The following DOCK9 variants were observed in gnomAD, a reference collection of about 807,000 sequenced individuals.
DOCK9 encodes the protein dedicator of cytokinesis 9, also known as dedicator of cytokinesis protein 9.
A neutral mutation model predicts 263.3 loss-of-function variants in DOCK9; 89 were observed. The observed-to-expected ratio is 0.34, with a 90% CI of 0.28 to 0.40. The LOEUF is 0.40. DOCK9 is among the 10% of genes least tolerant of loss of function. The pLI is 1.00. For missense variants in DOCK9, 2,140 were observed against 2,603.4 expected (o/e 0.82, Z 3.87); for synonymous variants, 976 against 973.1 (o/e 1.00, Z -0.06).
intron 27 of DOCK9, among the ~76,000 whole-genome samples, chr13:98,874,196 TTTTC>T (rs2094265633): frequency 6.6e-6 from 1 of 152,192 alleles, no homozygotes; most frequent in African/African-American, 2.4e-5. Context: ...GCTCTGTAGT[TTTTC>T]TTTTTCTATA....
Position 98,863,449 on chromosome 13 carries a change from C to T in DOCK9, c.3386G>A (p.Arg1129Gln), listed in dbSNP as rs765965731. Residue 1129 changes from arginine (R) to glutamine (Q), a missense_variant, in exon 31 of 53, where the codon CGG becomes CAG. Physicochemically the swap from Arg to Gln is conservative, Grantham distance 43. This residue lies in a region of DOCK9 where 1,521 missense variants were observed against 1,741.7 expected (regional missense o/e 0.87). Coordinates refer to ENST00000682017, the MANE Select transcript of DOCK9 (RefSeq NM_001366683.2). ...REVGTALQEF[R>Q]EVRLIAISVL... ...ACTGATGGCGATCAGACGGACCTCCCGGAACTCCTGGAGGGCTGTCCCCAC... is the reference window on the plus strand; with the variant it reads ...ACTGATGGCGATCAGACGGACCTCCTGGAACTCCTGGAGGGCTGTCCCCAC... The T allele has an allele frequency of 3.2e-5, 51 of 1,613,814 alleles. No individual in the cohort carries two copies. The highest frequency in any genetic ancestry group is 4.0e-5 in the Non-Finnish European group (47 of 1,179,888).
chr13:99,029,099 C>G (rs1273985440), intron 1 of DOCK9, among the ~76,000 whole-genome samples: 1 of 152,300 alleles, frequency 6.6e-6, no homozygotes, highest in East Asian at 1.9e-4. Context: ...AGTGTCATCC[C>G]CAGCAACACT....
intron 52 of DOCK9, 76 bp downstream of exon 52, chr13:98,797,039 G>T: frequency 6.7e-7 from 1 of 1,484,882 alleles, no homozygotes. Context: ...GATATCAGGC[G>T]GCCTAAGTCA....
chr13:98,907,230 G>C (rs376359321), intron 9 of DOCK9, among the ~76,000 whole-genome samples: 1 of 152,154 alleles, frequency 6.6e-6, no homozygotes, highest in African/African-American at 2.4e-5. Flanking sequence ...AGTACTAGGT[G>C]CTGCAAGCCA....
intron 36 of DOCK9, among the ~76,000 whole-genome samples, 159 bp from the exon 37 acceptor site, chr13:98,848,798 G>T (rs2141441767): frequency 1.3e-5 from 2 of 152,246 alleles, no homozygotes; most frequent in South Asian, 4.2e-4. Context: ...GAGTCCTCTG[G>T]AAAGTGCCTT....
intron 1 of DOCK9, among the ~76,000 whole-genome samples, chr13:99,042,899 C>T (rs778725143): frequency 6.6e-6 from 1 of 152,034 alleles, no homozygotes; most frequent in Non-Finnish European, 1.5e-5. Flanking sequence ...TGCCATGTAG[C>T]CTGCTTCACA....
At chr13:98,930,968 G>T (rs2053823300) in intron 2 of DOCK9, among the ~76,000 whole-genome samples, 1 of 152,126 alleles carries the variant, frequency 6.6e-6, no homozygotes, top group Admixed American at 6.5e-5. Flanking sequence ...TAAGTATACA[G>T]TTCAGTGGCA....
chr13:99,056,352 T>C (rs1257432815), intron 1 of DOCK9, among the ~76,000 whole-genome samples: 1 of 152,176 alleles, frequency 6.6e-6, no homozygotes, highest in Non-Finnish European at 1.5e-5. Context: ...GTTTGTCTTT[T>C]AAAGCAACAA....
chr13:98,902,924 C>T, intron 11 of DOCK9, 48 bp downstream of exon 11: 11 of 1,412,030 alleles, frequency 7.8e-6, no homozygotes, highest in African/African-American at 1.7e-5. Flanking sequence ...ACATCTGAAA[C>T]CTCTGCCTAT....
At chr13:98,850,240 C>G in intron 35 of DOCK9, 127 bp from the exon 36 acceptor site, 1 of 604,404 alleles carries the variant, frequency 1.7e-6, no homozygotes, top group Non-Finnish European at 2.8e-6. Context: ...GGCCTCTAAA[C>G]CCTTCCCCTG....
chr13:98,843,017 TG>T (rs1387232496), intron 38 of DOCK9, among the ~76,000 whole-genome samples: 1 of 152,154 alleles, frequency 6.6e-6, no homozygotes, highest in Non-Finnish European at 1.5e-5. Flanking sequence ...CTGTTACCAG[TG>T]GTGATGGGGA....
At chr13:98,848,121 G>T (rs556322596) in intron 37 of DOCK9, among the ~76,000 whole-genome samples, 1 of 152,320 alleles carries the variant, frequency 6.6e-6, no homozygotes, top group Non-Finnish European at 1.5e-5. Context: ...CACAAATTTG[G>T]GATGGACTGA....
intron 27 of DOCK9, among the ~76,000 whole-genome samples, chr13:98,870,769 A>G (rs2094164102): frequency 6.6e-6 from 1 of 152,176 alleles, no homozygotes; most frequent in African/African-American, 2.4e-5. Flanking sequence ...TCTAGATCCA[A>G]CCACAAGTTC....
At chr13:98,920,350 T>C (rs1299430282) in intron 7 of DOCK9, among the ~76,000 whole-genome samples, 1 of 152,258 alleles carries the variant, frequency 6.6e-6, no homozygotes, top group Non-Finnish European at 1.5e-5. Context: ...TGCTTACCAT[T>C]TGTTGGCACT....
At chr13:98,808,763 A>T in intron 47 of DOCK9, 2 of 828,270 alleles carry the variant, frequency 2.4e-6, no homozygotes, top group Non-Finnish European at 3.9e-6. Flanking sequence ...TATGTATTAT[A>T]ATTTATACCA....
At chr13:99,015,863 C>T (rs1243115467) in intron 1 of DOCK9, 1 of 964,210 alleles carries the variant, frequency 1.0e-6, no homozygotes, top group East Asian at 4.1e-5. Context: ...ATGCACCAAA[C>T]CTTTAAAGTA....
chr13:98,983,685 C>T (rs1258102657), intron 1 of DOCK9, among the ~76,000 whole-genome samples: 1 of 151,006 alleles, frequency 6.6e-6, no homozygotes, highest in Non-Finnish European at 1.5e-5. Context: ...GGCATGACCT[C>T]GGCTCACTGC....
intron 1 of DOCK9, among the ~76,000 whole-genome samples, chr13:98,986,732 G>T (rs1595832793): frequency 6.6e-6 from 1 of 152,154 alleles, no homozygotes; most frequent in African/African-American, 2.4e-5. Context: ...CCAAGAAATA[G>T]AAAACACTGC....
intron 1 of DOCK9, among the ~76,000 whole-genome samples, chr13:98,990,626 G>C (rs1411801874): frequency 6.6e-6 from 1 of 152,170 alleles, no homozygotes; most frequent in Non-Finnish European, 1.5e-5. Context: ...CCCCAAGGCT[G>C]GTGTGCCACC....
Sources: allele counts gnomAD v4.1 joint callset (sites outside exome capture counted in the v4.1 genomes callset), GRCh38; gene constraint gnomAD v4.1.1; regional missense constraint gnomAD v4.1.1; transcripts MANE v1.5; gene names NCBI Gene and HGNC (gene_info 2026-07-23, HGNC 2026-07-21).